Variants in CLEC12A observed in about 807,000 individuals in gnomAD.
CLEC12A encodes the protein C-type lectin protein CLL-1.
A neutral mutation model predicts 26.5 loss-of-function variants in CLEC12A; 22 were observed. That is an observed-to-expected ratio of 0.83 (90% CI 0.59 to 1.19). CLEC12A has a LOEUF of 1.19. Ranked by LOEUF, CLEC12A falls within the 50% of genes most tolerant of loss-of-function variation. The pLI is 0.00. For synonymous variants in CLEC12A, 119 were observed against 101.9 expected (o/e 1.17, Z -1.01); for missense variants, 353 against 315.6 (o/e 1.12, Z -0.90).
chr12:9,985,721 A>G, downstream of CLEC12A: 1 of 355,310 alleles, frequency 2.8e-6, no homozygotes, highest in Non-Finnish European at 5.0e-6. Flanking sequence ...ATATAGATAG[A>G]TATGTTTATC....
intron 4 of CLEC12A, among the ~76,000 whole-genome samples, chr12:9,981,218 C>A (rs1864543741): frequency 6.6e-6 from 1 of 152,146 alleles, no homozygotes; most frequent in Non-Finnish European, 1.5e-5. Context: ...TAAGATGGCA[C>A]AGGCAAGTGT....
the CLEC12A span, among the ~76,000 whole-genome samples, chr12:10,002,604 G>A: frequency 3.3e-5 from 5 of 151,338 alleles, no homozygotes; most frequent in Admixed American, 2.0e-4. Context: ...CACCACGGCC[G>A]GCTAATTTTT....
At chr12:9,977,321 TA>T (rs1308581657) in intron 1 of CLEC12A, among the ~76,000 whole-genome samples, 1 of 152,226 alleles carries the variant, frequency 6.6e-6, no homozygotes. Flanking sequence ...ACAACTCTGT[TA>T]TTTTGCCCTC....
chr12:9,952,313 G>A (rs1208222400), intron 1 of CLEC12A, among the ~76,000 whole-genome samples: 2 of 150,408 alleles, frequency 1.3e-5, no homozygotes, highest in Non-Finnish European at 3.0e-5. Flanking sequence ...AGCCTGCCGA[G>A]TGCCTGCGAT....
In CLEC12A at chr12:9,974,720, T is replaced by C. The variant is rs74616193; in HGVS notation, c.91+3033T>C. Among the ~76,000 whole-genome samples, 66 of 152,310 alleles carry C rather than the reference T, an allele frequency of 4.3e-4. No homozygotes were observed. In the East Asian group the frequency reaches 0.012, roughly 28 times the overall value. Reference sequence around the variant, plus strand: ...CTTTCTGTCTCCCATGCTTTAACCATATTGAAACTCAGACACAGAGATGTT... The same window carrying C: ...CTTTCTGTCTCCCATGCTTTAACCACATTGAAACTCAGACACAGAGATGTT... On this transcript the variant is annotated intron_variant, in intron 1 of 5. Coordinates refer to ENST00000304361, the MANE Select transcript of CLEC12A (RefSeq NM_138337.6).
chr12:9,980,719 A>G lies in CLEC12A; in HGVS notation c.517A>G (p.Asn173Asp), dbSNP rs748174264. ...AQNASLLKIN[N>D]KNALEFIKSQ... ...GAATGCCAGCCTGTTGAAGATAAACAACAAAAATGCATTGGTAAAGCCCAG... is the reference window on the plus strand; with the variant it reads ...GAATGCCAGCCTGTTGAAGATAAACGACAAAAATGCATTGGTAAAGCCCAG... Residue 173 changes from asparagine to aspartate, a missense_variant, in exon 4 of 6, where the codon AAC becomes GAC. Transcript: ENST00000304361. 1 of 1,613,652 alleles carries G rather than the reference A, an allele frequency of 6.2e-7. No individual in the cohort carries two copies. Among genetic ancestry groups the G allele is most frequent in the Non-Finnish European group, 8.5e-7 (1 of 1,179,736 alleles).
At chr12:9,967,368 G>A (rs1298466212), upstream of CLEC12A, among the ~76,000 whole-genome samples, 1 of 152,142 alleles carries the variant, frequency 6.6e-6, no homozygotes, top group Non-Finnish European at 1.5e-5. Flanking sequence ...AGATCTTGTA[G>A]GATGGAAAAA....
the CLEC12A span, among the ~76,000 whole-genome samples, chr12:10,002,644 G>C: frequency 6.6e-6 from 1 of 151,760 alleles, no homozygotes; most frequent in Non-Finnish European, 1.5e-5. Flanking sequence ...GGGTTTCACC[G>C]TGTTAGCCAG....
Position 9,977,317 on chromosome 12 carries a change from C to G in CLEC12A, c.92-1649C>G, listed in dbSNP as rs183456322. 1.5e-3 allele frequency among the ~76,000 whole-genome samples: 227 copies of G among 152,258 alleles called. 2 individuals are homozygous for G. Among genetic ancestry groups the G allele is most frequent in the Non-Finnish European group, 5.4e-4 (37 of 67,996 alleles). On this transcript the variant is annotated intron_variant, in intron 1 of 5. Coordinates refer to ENST00000304361, the MANE Select transcript of CLEC12A (RefSeq NM_138337.6). ...CAGATTTCTTACTGATAAAACAACT[C>G]TGTTATTTTGCCCTCCTAGATTAAA...
upstream of CLEC12A, among the ~76,000 whole-genome samples, chr12:9,968,822 T>A (rs1864032203): frequency 6.6e-6 from 1 of 152,240 alleles, no homozygotes; most frequent in Admixed American, 6.5e-5. Flanking sequence ...TTGATATAGG[T>A]TGATTTCATA....
chr12:9,971,344 G>A (rs1210050482), upstream of CLEC12A: 3 of 983,386 alleles, frequency 3.1e-6, no homozygotes, highest in African/African-American at 5.1e-5. Context: ...GAAGAAATAT[G>A]AGGAAGAAAG....
exon 5 of CLEC12A, chr12:9,995,463 A>G (rs1303035510): frequency 2.0e-6 from 1 of 490,656 alleles, no homozygotes; most frequent in Non-Finnish European, 3.8e-6. Context: ...TACACAAAAT[A>G]GCTGATATTC....
chr12:9,979,620 T>A, intron 3 of CLEC12A, 96 bp downstream of exon 3: 1 of 873,402 alleles, frequency 1.1e-6, no homozygotes, highest in Non-Finnish European at 1.7e-6. Context: ...AGCCTTTCTC[T>A]AGGGAGTCAT....
chr12:9,959,543 T>C (rs1224441965), intron 1 of CLEC12A, among the ~76,000 whole-genome samples: 1 of 152,192 alleles, frequency 6.6e-6, no homozygotes. Flanking sequence ...AATGAGTCCC[T>C]GGCACCTCTA....
intron 1 of CLEC12A, among the ~76,000 whole-genome samples, chr12:9,956,255 T>C (rs11525545): frequency 0.29 from 43,369 of 152,134 alleles, 6,693 homozygotes; most frequent in East Asian, 0.47. Flanking sequence ...AACCTAAGTC[T>C]ATAATTTGAA....
chr12:9,989,497 A>G (rs1488211225), downstream of CLEC12A, among the ~76,000 whole-genome samples: 1 of 152,234 alleles, frequency 6.6e-6, no homozygotes, highest in Non-Finnish European at 1.5e-5. Flanking sequence ...ACGTTCTCTT[A>G]AGTCAAAGCC....
intron 1 of CLEC12A, chr12:9,952,047 A>C (rs1238103824): frequency 6.7e-6 from 1 of 149,050 alleles, no homozygotes; most frequent in Non-Finnish European, 1.5e-5. Context: ...GAGTCTGGAG[A>C]GATTTGGCCT....
At chr12:9,969,892 A>T (rs117342025), upstream of CLEC12A, among the ~76,000 whole-genome samples, 2,736 of 152,328 alleles carry the variant, frequency 0.018, 39 homozygotes, top group Non-Finnish European at 0.028. Context: ...GTGATGTTGG[A>T]TACAAACTTA....
At chr12:9,957,941 C>G (rs1591810579) in intron 1 of CLEC12A, among the ~76,000 whole-genome samples, 1 of 152,278 alleles carries the variant, frequency 6.6e-6, no homozygotes, top group East Asian at 1.9e-4. Flanking sequence ...TTGGGTCAGG[C>G]TTTGAGGCCA....
Sources: allele counts gnomAD v4.1 joint callset (sites outside exome capture counted in the v4.1 genomes callset), GRCh38; gene constraint gnomAD v4.1.1; transcripts MANE v1.5; gene names NCBI Gene and HGNC (gene_info 2026-07-23, HGNC 2026-07-21).